The following ALDH1L1 variants were observed in gnomAD, a reference collection of about 807,000 sequenced individuals.
The protein encoded by ALDH1L1 is aldehyde dehydrogenase 1 family member L1.
Under a neutral mutation model 101.1 loss-of-function variants are expected in ALDH1L1, and 68 were observed. The ratio of observed to expected loss-of-function variants is 0.67; its 90% confidence interval spans 0.55 to 0.82. The LOEUF (loss-of-function observed/expected upper bound fraction) is 0.82, where lower values mean the gene tolerates loss of function less well. Ranked by LOEUF, ALDH1L1 falls within the 40% of genes least tolerant of loss-of-function variation. The pLI is 0.00. For synonymous variants in ALDH1L1, 486 were observed against 470.8 expected (o/e 1.03, Z -0.42); for missense variants, 1,087 against 1,172.7 (o/e 0.93, Z 1.07).
At position 126,174,230 on chromosome 3, in the gene ALDH1L1, A is replaced by G. The variant is rs1453717531; in HGVS notation, c.-24+6246T>C. Among the ~76,000 whole-genome samples the G allele has an allele frequency of 2.0e-5, 3 of 152,162 alleles. No individual in the cohort carries two copies. The East Asian group carries it at 5.8e-4, about 29-fold the overall frequency. On this transcript the variant is annotated intron_variant, in intron 1 of 22. Transcript: ENST00000393434. ...ATTTTGTATTTTTAGTAGAGCCTCC[A>G]TGTTGGTCAGGCTGGTCTCGCACTC...
chr3:126,135,584 C>T lies in ALDH1L1; in HGVS notation c.1423G>A (p.Gly475Arg), dbSNP rs772997008. The T allele has an allele frequency of 6.2e-7, 1 of 1,601,604 alleles. No homozygotes were observed. Among genetic ancestry groups the T allele is most frequent in the South Asian group, 1.1e-5 (1 of 89,006 alleles). Residue 475 changes from glycine (G) to arginine (R), a missense_variant, in exon 12 of 23, where the codon GGA becomes AGA. Physicochemically the swap from Gly to Arg is moderately radical, Grantham distance 125. Transcript: ENST00000393434. ...CGCGCACTGATCTTCCCCCACCGTC[C>T]ATTCTCAAAGGCATCCTTGGCTGCG... ...VAAAKDAFEN[G>R]RWGKISARDR...
intron 4 of ALDH1L1, chr3:126,156,432 G>C (rs1013094492): frequency 6.6e-6 from 1 of 152,324 alleles, no homozygotes; most frequent in Non-Finnish European, 1.5e-5. Context: ...AGGACGAGGG[G>C]ACAGTGGACA....
chr3:126,160,719 C>T, intron 2 of ALDH1L1, 134 bp downstream of exon 2: 1 of 1,363,754 alleles, frequency 7.3e-7, no homozygotes, highest in Non-Finnish European at 1.0e-6. Flanking sequence ...TCAAGGTAGA[C>T]CACTTATGGC....
At chr3:126,104,341 C>G (rs1193918230) in intron 22 of ALDH1L1, 1 of 165,792 alleles carries the variant, frequency 6.0e-6, no homozygotes, top group Admixed American at 5.8e-5. Flanking sequence ...TGACAGCTCC[C>G]CAGCAGCTCT....
intron 1 of ALDH1L1, among the ~76,000 whole-genome samples, chr3:126,189,618 G>T (rs2081540709): frequency 6.6e-6 from 1 of 152,222 alleles, no homozygotes. Context: ...CTTGTCTTCA[G>T]GTTCTAAACT....
rs1375705094 is a variant in ALDH1L1 at position 126,150,512 on chromosome 3, T to G, written c.878A>C (p.Gln293Pro). 1 of 1,551,350 alleles carries G rather than the reference T, an allele frequency of 6.4e-7. No individual in the cohort carries two copies. Among genetic ancestry groups the G allele is most frequent in the Admixed American group, 2.0e-5 (1 of 50,996 alleles). Residue 293 changes from glutamine to proline, a missense_variant, in exon 8 of 23, where the codon CAG becomes CCG. Physicochemically the swap from Gln to Pro is moderately conservative, Grantham distance 76 (BLOSUM62 -1). Transcript: ENST00000393434. ...DDKMLLVKNI[Q>P]LEDGKMILAS... ...CAGGATCATTTTGCCATCCTCCAGCTGAATATTCTTCACCAGCAGCTGCAA... is the reference window on the plus strand; with the variant it reads ...CAGGATCATTTTGCCATCCTCCAGCGGAATATTCTTCACCAGCAGCTGCAA...
chr3:126,151,272 C>T (rs1469891417), intron 7 of ALDH1L1: 1 of 152,232 alleles, frequency 6.6e-6, no homozygotes, highest in Non-Finnish European at 1.5e-5. Context: ...ACCTGGAGAA[C>T]ATCACCAGAT....
intron 4 of ALDH1L1, among the ~76,000 whole-genome samples, chr3:126,157,068 C>T (rs2080924722): frequency 6.6e-6 from 1 of 152,144 alleles, no homozygotes; most frequent in South Asian, 2.1e-4. Context: ...CTGCCTTTAG[C>T]CTTCCTTGTC....
chr3:126,109,933 C>T lies in ALDH1L1; in HGVS notation c.2347+11G>A, dbSNP rs745604085. 16 of 1,613,342 alleles carry T rather than the reference C, an allele frequency of 9.9e-6. No individual in the cohort carries two copies. The South Asian group carries it at 1.1e-4, about 11-fold the overall frequency. ...AATTGACCCAAGCGGACCTGACACA[C>T]TCTGACTCACCTGGCCGAGGGACCT... On this transcript the variant is annotated intron_variant, in intron 20 of 22. Transcript: ENST00000393434.
intron 1 of ALDH1L1, among the ~76,000 whole-genome samples, chr3:126,191,987 C>T (rs1379802695): frequency 6.6e-6 from 1 of 152,094 alleles, no homozygotes; most frequent in African/African-American, 2.4e-5. Flanking sequence ...CATTACAGTC[C>T]AGGTATACTT....
intron 20 of ALDH1L1, among the ~76,000 whole-genome samples, chr3:126,108,853 G>A (rs565944275): frequency 6.6e-6 from 1 of 152,320 alleles, no homozygotes; most frequent in East Asian, 1.9e-4. Context: ...CTCCGGCTGT[G>A]AGGTCAAGGA....
intron 1 of ALDH1L1, among the ~76,000 whole-genome samples, chr3:126,195,305 C>G (rs977844533): frequency 6.6e-6 from 1 of 152,120 alleles, no homozygotes; most frequent in Admixed American, 6.5e-5. Flanking sequence ...GTTATATAAA[C>G]TAAGACATTA....
chr3:126,155,433 T>C lies in ALDH1L1; in HGVS notation c.599A>G (p.Tyr200Cys), dbSNP rs377221479. The C allele has an allele frequency of 7.4e-6, 12 of 1,612,932 alleles. No individual in the cohort carries two copies. The highest frequency in any genetic ancestry group is 1.1e-5 in the South Asian group (1 of 90,688). ...TGTCTCCTTCTTCTGAATCCCCTCA[T>C]AGGTGGCTCCTTCCTCAGGCTGAGG... The part of the protein sequence containing the change: ...RLPQPEEGAT[Y>C]EGIQKKETAK... The change falls in exon 5 of 23, where the codon TAT (tyrosine) becomes TGT (cysteine). Residue 200 changes from tyrosine (Y) to cysteine (C), a missense_variant. Physicochemically the swap from Tyr to Cys is radical, Grantham distance 194. This residue lies in a region of ALDH1L1 where 645 missense variants were observed against 637.0 expected (regional missense o/e 1.01). Coordinates refer to ENST00000393434, the MANE Select transcript of ALDH1L1 (RefSeq NM_012190.4).
rs774311206 is a variant in ALDH1L1 at position 126,135,679 on chromosome 3, G to A, written c.1345-17C>T. 1 of 1,508,800 alleles carries A rather than the reference G, an allele frequency of 6.6e-7. No individual in the cohort carries two copies. Among genetic ancestry groups the A allele is most frequent in the Admixed American group, 2.1e-5 (1 of 47,876 alleles). 93.5% of individuals were successfully genotyped at this position (1,508,800 alleles called of 1,614,324 possible). A position where few individuals can be genotyped will look rare whatever the true frequency, so the allele number is the denominator to read the frequency against. The stretch of plus-strand genomic sequence containing the variant: ...GCAGATGACCTATAGTGGAAGCAGA[G>A]CCATGACAAGTTCTCCCTAAGCCAG... On this transcript the variant is annotated splice_polypyrimidine_tract_variant and intron_variant, in intron 11 of 22. Transcript: ENST00000393434.
intron 1 of ALDH1L1, among the ~76,000 whole-genome samples, chr3:126,196,545 C>T (rs2081583028): frequency 6.6e-6 from 1 of 152,154 alleles, no homozygotes; most frequent in African/African-American, 2.4e-5. Flanking sequence ...TGACTTTAGC[C>T]AGGCCAAATG....
intron 1 of ALDH1L1, among the ~76,000 whole-genome samples, chr3:126,170,669 C>T (rs35760681): frequency 5.9e-5 from 9 of 151,998 alleles, no homozygotes; most frequent in African/African-American, 2.2e-4. Context: ...CTAGAAAGAA[C>T]ATGTCCCCTC....
intron 22 of ALDH1L1, chr3:126,105,280 C>A (rs1945825643): frequency 3.5e-6 from 1 of 284,424 alleles, no homozygotes; most frequent in South Asian, 3.9e-5. Context: ...GCCTCTCAGG[C>A]CTTCTCTCCT....
At chr3:126,123,282 G>T in intron 16 of ALDH1L1, among the ~76,000 whole-genome samples, 1 of 145,996 alleles carries the variant, frequency 6.8e-6, no homozygotes, top group African/African-American at 2.6e-5. Flanking sequence ...TTTTGAGACA[G>T]AGTCTCGCTC....
intron 9 of ALDH1L1, among the ~76,000 whole-genome samples, chr3:126,143,812 G>A (rs1457924348): frequency 1.3e-5 from 2 of 152,030 alleles, no homozygotes; most frequent in Admixed American, 6.5e-5. Context: ...AGGTGTAGTG[G>A]TGCATGCCTG....
Sources: allele counts gnomAD v4.1 joint callset (sites outside exome capture counted in the v4.1 genomes callset), GRCh38; gene constraint gnomAD v4.1.1; regional missense constraint gnomAD v4.1.1; transcripts MANE v1.5; gene names NCBI Gene and HGNC (gene_info 2026-07-23, HGNC 2026-07-21).